The following LEPR variants were observed in gnomAD, a reference collection of about 807,000 sequenced individuals.
The protein encoded by LEPR is OB receptor.
A neutral mutation model predicts 114.7 loss-of-function variants in LEPR; 56 were observed. The ratio of observed to expected loss-of-function variants is 0.49; its 90% CI spans 0.39 to 0.61. The LOEUF (loss-of-function observed/expected upper bound fraction) is 0.61. Among genes scored for constraint, LEPR ranks in the 20% least tolerant of loss-of-function variants. The pLI, the probability that LEPR is intolerant of heterozygous loss-of-function variation, is 0.00. For missense variants in LEPR, 1,202 were observed against 1,352.9 expected (o/e 0.89, Z 1.75); for synonymous variants, 443 against 461.4 (o/e 0.96, Z 0.51).
At chr1:65,507,437 T>TTGTGTGTGTGTGTG (rs141990947) in intron 2 of LEPR, among the ~76,000 whole-genome samples, 9 of 138,776 alleles carry the variant, frequency 6.5e-5, no homozygotes, top group Admixed American at 3.0e-4. Context: ...TAGTATTCCA[T>TTGTGTGTGTGTGTG]TGTGTGTGTG....
intron 1 of LEPR, among the ~76,000 whole-genome samples, chr1:65,424,277 CT>C (rs1246039288): frequency 6.6e-6 from 1 of 152,204 alleles, no homozygotes; most frequent in African/African-American, 2.4e-5. Context: ...TGAAAACAAT[CT>C]TCAAATACTT....
chr1:65,433,150 C>G, intron 2 of LEPR: 1 of 985,464 alleles, frequency 1.0e-6, no homozygotes, highest in Non-Finnish European at 1.2e-6. Flanking sequence ...GCACTTCTCC[C>G]CAGCTCCTTC....
At chr1:65,582,932 A>G (rs991565894) in intron 5 of LEPR, among the ~76,000 whole-genome samples, 7 of 152,224 alleles carry the variant, frequency 4.6e-5, no homozygotes, top group African/African-American at 1.2e-4. Context: ...TTGTATGAAT[A>G]CATTATATCT....
chr1:65,606,648 T>G (rs1229271936), intron 11 of LEPR, among the ~76,000 whole-genome samples: 2 of 152,058 alleles, frequency 1.3e-5, no homozygotes, highest in African/African-American at 4.8e-5. Flanking sequence ...GACTGGATAT[T>G]CACTGCCAGT....
intron 2 of LEPR, among the ~76,000 whole-genome samples, chr1:65,440,974 A>T (rs1646642077): frequency 1.3e-5 from 2 of 152,236 alleles, no homozygotes; most frequent in Admixed American, 1.3e-4. Flanking sequence ...TCAGGGACAG[A>T]TGGCTGAAGC....
chr1:65,430,001 G>C, intron 2 of LEPR: 1 of 1,572,888 alleles, frequency 6.4e-7, no homozygotes, highest in Admixed American at 1.7e-5. Flanking sequence ...TACTGGAATT[G>C]TTGTTTCTGC....
chr1:65,544,802 T>C (rs1651534917), intron 2 of LEPR, among the ~76,000 whole-genome samples: 1 of 151,292 alleles, frequency 6.6e-6, no homozygotes, highest in South Asian at 2.1e-4. Flanking sequence ...TTTTATTTTA[T>C]TTTATTTATT....
chr1:65,519,136 C>CTTCCTTCCT (rs1649499859), intron 2 of LEPR, among the ~76,000 whole-genome samples: 1 of 144,164 alleles, frequency 6.9e-6, no homozygotes, highest in African/African-American at 2.6e-5. Flanking sequence ...TCCTTCCTTC[C>CTTCCTTCCT]TTCCTTCCTT....
At chr1:65,544,246 T>A (rs1159004598) in intron 2 of LEPR, among the ~76,000 whole-genome samples, 1 of 152,032 alleles carries the variant, frequency 6.6e-6, no homozygotes, top group East Asian at 1.9e-4. Context: ...TCTGTTTGCC[T>A]ATTATTGGTG....
intron 2 of LEPR, among the ~76,000 whole-genome samples, chr1:65,452,424 A>G (rs1270807456): frequency 6.6e-6 from 1 of 151,106 alleles, no homozygotes; most frequent in Non-Finnish European, 1.5e-5. Flanking sequence ...TTTGTCATAG[A>G]TAGCTCTTAT....
chr1:65,593,340 G>T (rs12069188), intron 6 of LEPR, among the ~76,000 whole-genome samples: 27,660 of 151,870 alleles, frequency 0.18, 2,822 homozygotes, highest in South Asian at 0.31. Context: ...AAGAGTAAAT[G>T]AGTAATTTAC....
intron 12 of LEPR, 47 bp downstream of exon 12, chr1:65,608,948 T>A: frequency 1.2e-6 from 2 of 1,608,374 alleles, no homozygotes; most frequent in African/African-American, 2.7e-5. Context: ...ATGCTATTTT[T>A]ATAATATGTA....
At chr1:65,581,442 T>C (rs1938486) in intron 5 of LEPR, among the ~76,000 whole-genome samples, 44,461 of 151,320 alleles carry the variant, frequency 0.29, 7,415 homozygotes, top group East Asian at 0.83. Flanking sequence ...TTTTAATGGT[T>C]GAAAGGCTTT....
Position 65,636,571 on chromosome 1 carries a change from T to C in LEPR, c.3054T>C (p.Ser1018=). 6.2e-7 allele frequency: 1 copy of C among 1,614,094 alleles called. No individual in the cohort carries two copies. The highest frequency in any genetic ancestry group is 8.5e-7 in the Non-Finnish European group (1 of 1,179,998). ...SVTKCFSSKN[S]PLKDSFSNSS... is the part of the protein sequence containing the mutation. ...CCAAGTGCTTCTCTAGCAAAAATTC[T>C]CCGTTGAAGGATTCTTTCTCTAATA... The change falls in exon 20 of 20, where the codon TCT becomes TCC. Residue 1018 remains serine (S), a synonymous_variant. Coordinates refer to ENST00000349533, the MANE Select transcript of LEPR (RefSeq NM_002303.6).
intron 2 of LEPR, among the ~76,000 whole-genome samples, chr1:65,475,084 TA>T (rs887844238): frequency 5.6e-5 from 7 of 124,418 alleles, no homozygotes; most frequent in Non-Finnish European, 1.1e-4. Context: ...AAGAGAATTA[TA>T]AAAATTAGAA....
chr1:65,464,961 T>C (rs1042303881), intron 2 of LEPR, among the ~76,000 whole-genome samples: 3 of 152,226 alleles, frequency 2.0e-5, no homozygotes, highest in Admixed American at 6.5e-5. Context: ...TTGTTGATCA[T>C]TTCAAAAATC....
chr1:65,592,983 G>A (rs1655811599), intron 6 of LEPR, 118 bp downstream of exon 6: 1 of 1,120,046 alleles, frequency 8.9e-7, no homozygotes, highest in Admixed American at 2.0e-5. Flanking sequence ...CTGTAATGAT[G>A]GTAGATGTAG....
intron 2 of LEPR, chr1:65,430,337 C>T (rs1646461489): frequency 4.2e-6 from 1 of 240,146 alleles, no homozygotes. Context: ...TTAAATCTTA[C>T]AGTAATCCAC....
At chr1:65,469,968 A>G (rs1197510187) in intron 2 of LEPR, among the ~76,000 whole-genome samples, 3 of 151,614 alleles carry the variant, frequency 2.0e-5, no homozygotes, top group Non-Finnish European at 2.9e-5. Flanking sequence ...GGTCAGAGTC[A>G]GCCGGGAAGC....
Sources: allele counts gnomAD v4.1 joint callset (sites outside exome capture counted in the v4.1 genomes callset), GRCh38; gene constraint gnomAD v4.1.1; transcripts MANE v1.5; gene names NCBI Gene and HGNC (gene_info 2026-07-23, HGNC 2026-07-21).